Variants in CCT4 observed in about 807,000 individuals in gnomAD.
CCT4 encodes T-complex protein 1 subunit delta.
A neutral mutation model predicts 62.5 loss-of-function variants in CCT4; 17 were observed. The observed-to-expected ratio is 0.27, with a 90% CI of 0.19 to 0.41. CCT4 has a LOEUF of 0.41. Ranked by LOEUF, CCT4 falls within the 10% of genes least tolerant of loss-of-function variation. CCT4 has a pLI of 1.00. For missense variants in CCT4, 592 were observed against 659.2 expected (o/e 0.90, Z 1.12); for synonymous variants, 250 against 229.9 (o/e 1.09, Z -0.79).
chr2:61,883,595 G>T, intron 2 of CCT4, 47 bp from the exon 3 acceptor site: 2 of 897,794 alleles, frequency 2.2e-6, no homozygotes, highest in Non-Finnish European at 1.7e-6. Flanking sequence ...CACCTTAATA[G>T]TTTTATTAAA....
chr2:61,884,434 C>A (rs1341574341), intron 2 of CCT4, among the ~76,000 whole-genome samples: 1 of 151,820 alleles, frequency 6.6e-6, no homozygotes, highest in Non-Finnish European at 1.5e-5. Context: ...CTCCCACCTC[C>A]TGAGTAACTG....
At position 61,883,437 on chromosome 2, in the gene CCT4, ACTCACC is replaced by A; in HGVS notation, c.270+16_270+21del. 9.6e-7 allele frequency: 1 copy of A among 1,042,672 alleles called. No individual in the cohort carries two copies. The highest frequency in any genetic ancestry group is 1.4e-6 in the Non-Finnish European group (1 of 714,742). The allele number at this position is 1,042,672 out of a possible 1,614,324, so 64.6% of individuals were successfully genotyped here. A position where few individuals can be genotyped will look rare whatever the true frequency, so the allele number is the denominator to read the frequency against. On this transcript the variant is annotated intron_variant, in intron 3 of 13. Transcript: ENST00000394440. ...GTCTCAAAAAAAAAAAAAAAAAAAG[ACTCACC>A]TAAAATTACACTTACCATTCTGGCT...
chr2:61,872,952 AC>A (rs1465129635), intron 10 of CCT4, 49 bp downstream of exon 10: 3 of 1,069,996 alleles, frequency 2.8e-6, no homozygotes, highest in African/African-American at 3.1e-5. Context: ...ACAACCTAAA[AC>A]CCCATACCCA....
chr2:61,879,432 T>C (rs572242585), intron 4 of CCT4, among the ~76,000 whole-genome samples: 1 of 140,908 alleles, frequency 7.1e-6, no homozygotes, highest in Non-Finnish European at 1.5e-5. Context: ...CGGCTAATTT[T>C]TTTTGTATTT....
chr2:61,879,439 A>ATTTTT (rs35177149), intron 4 of CCT4, among the ~76,000 whole-genome samples: 1 of 103,558 alleles, frequency 9.7e-6, no homozygotes, highest in African/African-American at 3.6e-5. Flanking sequence ...TTTTTTTTGT[A>ATTTTT]TTTTTTTTTT....
At chr2:61,887,708 C>T (rs928143954) in intron 1 of CCT4, among the ~76,000 whole-genome samples, 2 of 152,190 alleles carry the variant, frequency 1.3e-5, no homozygotes, top group Non-Finnish European at 2.9e-5. Context: ...CATGAAGTAA[C>T]GGAAGCAGAG....
intron 4 of CCT4, 74 bp downstream of exon 4, chr2:61,880,212 T>C (rs1669083929): frequency 4.4e-6 from 3 of 675,174 alleles, no homozygotes; most frequent in Middle Eastern, 2.7e-4. Context: ...ATATTACTTA[T>C]GAATAACTTG....
intron 8 of CCT4, among the ~76,000 whole-genome samples, chr2:61,874,068 TATTA>T (rs1668944789): frequency 1.3e-5 from 2 of 152,164 alleles, no homozygotes; most frequent in Non-Finnish European, 2.9e-5. Context: ...AATTTAGAAG[TATTA>T]ATTCAGACTC....
intron 2 of CCT4, among the ~76,000 whole-genome samples, chr2:61,884,322 G>A (rs1241198090): frequency 6.6e-6 from 1 of 151,510 alleles, no homozygotes; most frequent in Admixed American, 6.6e-5. Context: ...TTTTTGGTTT[G>A]AGATGGAGTC....
At chr2:61,875,434 G>A (rs1572917981) in intron 8 of CCT4, among the ~76,000 whole-genome samples, 1 of 151,898 alleles carries the variant, frequency 6.6e-6, no homozygotes, top group East Asian at 2.0e-4. Context: ...CAAAAAATTA[G>A]CCAGGTGTGG....
intron 8 of CCT4, among the ~76,000 whole-genome samples, chr2:61,874,567 C>A (rs943697930): frequency 2.6e-5 from 4 of 150,982 alleles, no homozygotes; most frequent in African/African-American, 9.8e-5. Flanking sequence ...GCTGAGACTG[C>A]GCCATTGTAC....
At chr2:61,877,156 C>A in intron 6 of CCT4, 104 bp from the exon 7 acceptor site, 1 of 1,093,586 alleles carries the variant, frequency 9.1e-7, no homozygotes, top group South Asian at 1.5e-5. Flanking sequence ...AAATATGATT[C>A]AGCCTCACAT....
chr2:61,883,401 A>G, intron 3 of CCT4, 58 bp downstream of exon 3: 1 of 885,908 alleles, frequency 1.1e-6, no homozygotes, highest in Non-Finnish European at 1.7e-6. Flanking sequence ...TGGATGACAG[A>G]GCAAGACTCT....
chr2:61,869,480 G>A lies in CCT4; in HGVS notation c.1565C>T (p.Ala522Val). 1.2e-6 allele frequency: 2 copies of A among 1,612,376 alleles called. No individual in the cohort carries two copies. Among genetic ancestry groups the A allele is most frequent in the East Asian group, 2.2e-5 (1 of 44,870 alleles). ...CAGAATGCTCCGAACAGTTTCAGTTGCAAGAGTCAGAGCACTGACTGATAC... is the reference window on the plus strand; with the variant it reads ...CAGAATGCTCCGAACAGTTTCAGTTACAAGAGTCAGAGCACTGACTGATAC... ...LLVSVSALTL[A>V]TETVRSILKI... Residue 522 changes from alanine (A) to valine (V), a missense_variant, in exon 13 of 14, where the codon GCA (alanine) becomes GTA (valine). Transcript: ENST00000394440.
chr2:61,873,598 CTT>C (rs777154565), intron 8 of CCT4, among the ~76,000 whole-genome samples: 37 of 152,098 alleles, frequency 2.4e-4, no homozygotes, highest in Non-Finnish European at 4.4e-4. Context: ...GAATTTCGCT[CTT>C]GTTGCCCAGG....
intron 5 of CCT4, among the ~76,000 whole-genome samples, chr2:61,878,190 G>C (rs934133686): frequency 2.6e-5 from 4 of 152,052 alleles, no homozygotes; most frequent in Non-Finnish European, 5.9e-5. Flanking sequence ...ACTTAATACT[G>C]ATTTTTAAAA....
At position 61,869,505 on chromosome 2, in the gene CCT4, C is replaced by G; in HGVS notation, c.1540G>C (p.Val514Leu). ...GCAAGAGTCAGAGCACTGACTGATACCAACAGAGGCTGGACAACCAGTTCC... is the reference window on the plus strand; with the variant it reads ...GCAAGAGTCAGAGCACTGACTGATAGCAACAGAGGCTGGACAACCAGTTCC... ...LEELVVQPLL[V>L]SVSALTLATE... Residue 514 changes from valine (V) to leucine (L), a missense_variant, in exon 13 of 14, where the codon GTA (valine) becomes CTA (leucine). This residue lies in a region of CCT4 where 522 missense variants were observed against 571.2 expected (regional missense o/e 0.91). Transcript: ENST00000394440. 2 of 1,612,636 alleles carry G rather than the reference C, an allele frequency of 1.2e-6. No individual in the cohort carries two copies. Among genetic ancestry groups the G allele is most frequent in the Non-Finnish European group, 1.7e-6 (2 of 1,178,624 alleles).
rs1572915140 is a variant in CCT4, at chr2:61,872,450, G to A, written c.1256+8C>T. The stretch of plus-strand genomic sequence containing the variant: ...AAATGTTACTTAATAATGTAACACT[G>A]ACATTACCTCTTCTTCACTAAACAA... On this transcript the variant is annotated splice_region_variant and intron_variant, in intron 11 of 13. Coordinates refer to ENST00000394440, the MANE Select transcript of CCT4 (RefSeq NM_006430.4). The A allele has an allele frequency of 2.5e-6, 4 of 1,605,264 alleles. No homozygotes were observed. The highest frequency in any genetic ancestry group is 1.3e-5 in the African/African-American group (1 of 74,792).
chr2:61,884,946 C>T lies in CCT4; in HGVS notation c.180+74G>A, dbSNP rs78484945. ...CAGCCCCACTTTTTAAACAGCACATCTAACCCTTCAACAAGATCTTGTAGT... is the reference window on the plus strand; with the variant it reads ...CAGCCCCACTTTTTAAACAGCACATTTAACCCTTCAACAAGATCTTGTAGT... On this transcript the variant is annotated intron_variant, in intron 2 of 13. Transcript: ENST00000394440. The T allele has an allele frequency of 4.8e-3, 6,262 of 1,313,114 alleles. 399 individuals are homozygous for T. In the East Asian group the frequency reaches 0.13, roughly 28 times the overall value. The allele number at this position is 1,313,114 out of a possible 1,614,324, so 81.3% of individuals were successfully genotyped here.
Sources: allele counts gnomAD v4.1 joint callset (sites outside exome capture counted in the v4.1 genomes callset), GRCh38; gene constraint gnomAD v4.1.1; regional missense constraint gnomAD v4.1.1; transcripts MANE v1.5; gene names NCBI Gene and HGNC (gene_info 2026-07-23, HGNC 2026-07-21).